NBEAL1: variants seen among roughly 807,000 people sequenced by gnomAD.
NBEAL1 encodes the protein neurobeachin-like protein 1.
A neutral mutation model predicts 351.3 loss-of-function variants in NBEAL1; 273 were observed. The ratio of observed to expected loss-of-function variants is 0.78; its 90% CI spans 0.70 to 0.86. The LOEUF (loss-of-function observed/expected upper bound fraction) is 0.86, where lower values mean the gene tolerates loss of function less well. Among genes scored for constraint, NBEAL1 ranks in the 40% least tolerant of loss-of-function variants. The pLI, the probability that NBEAL1 is intolerant of heterozygous loss-of-function variation, is 0.00. For missense variants in NBEAL1, 2,961 were observed against 3,201.3 expected (o/e 0.92, Z 1.81); for synonymous variants, 1,050 against 1,086.4 (o/e 0.97, Z 0.66).
In NBEAL1 at chr2:203,189,930, G is replaced by T. The variant is rs187481595; in HGVS notation, c.6824-362G>T. ...GCAGGCAGATCACCTGAGGTCAGAA[G>T]TTCAAGACCAGCCTGGCCAACATAG... On this transcript the variant is annotated intron_variant, in intron 45 of 55. Transcript: ENST00000683969. 1.6e-4 allele frequency among the ~76,000 whole-genome samples: 25 copies of T among 151,902 alleles called. 1 individual carries two copies. The South Asian group carries it at 3.7e-3, about 23-fold the overall frequency.
chr2:203,055,101 A>G (rs1434365533), intron 4 of NBEAL1, among the ~76,000 whole-genome samples: 4 of 151,968 alleles, frequency 2.6e-5, no homozygotes, highest in Non-Finnish European at 5.9e-5. Flanking sequence ...TGGATCTGTA[A>G]TTTTTCACTT....
At chr2:203,130,176 A>G in intron 24 of NBEAL1, 142 bp from the exon 25 acceptor site, 1 of 830,008 alleles carries the variant, frequency 1.2e-6, no homozygotes, top group Non-Finnish European at 1.7e-6. Flanking sequence ...GAATTTTTTT[A>G]AAAAGACATC....
At chr2:203,168,844 A>G (rs2064223769) in intron 38 of NBEAL1, among the ~76,000 whole-genome samples, 1 of 146,260 alleles carries the variant, frequency 6.8e-6, no homozygotes, top group African/African-American at 2.5e-5. Context: ...CAGTGAGCCG[A>G]GATCACGCCA....
intron 2 of NBEAL1, among the ~76,000 whole-genome samples, chr2:203,018,954 T>A (rs961003457): frequency 1.3e-5 from 2 of 152,344 alleles, no homozygotes; most frequent in African/African-American, 4.8e-5. Context: ...TTCCCACTGT[T>A]TGGCTCAGTA....
At chr2:203,181,803 A>G (rs2043448) in intron 43 of NBEAL1, 67,382 of 152,148 alleles carry the variant, frequency 0.44, 17,135 homozygotes, top group Middle Eastern at 0.67. Context: ...CTTTCAGAAA[A>G]TGAGGTAAAT....
intron 8 of NBEAL1, among the ~76,000 whole-genome samples, chr2:203,080,253 C>CA (rs1029306847): frequency 9.3e-4 from 139 of 150,200 alleles, no homozygotes; most frequent in Non-Finnish European, 1.5e-3. Context: ...ACTAAAAATA[C>CA]AAAAAAAAAT....
intron 4 of NBEAL1, chr2:203,050,248 A>G (rs2061304071): frequency 9.4e-6 from 2 of 212,280 alleles, no homozygotes; most frequent in Non-Finnish European, 1.9e-5. Flanking sequence ...AAAGAAAAAA[A>G]GAAAAAATAA....
chr2:203,051,606 C>G lies in NBEAL1; in HGVS notation c.305+1631C>G, dbSNP rs370861544. On this transcript the variant is annotated intron_variant, in intron 4 of 55. Transcript: ENST00000683969. Reference sequence around the variant, plus strand: ...CAGGTAGTAAGACATAAGTTGACCTCTGATAATTTGCTATATTTTCCTGCT... The same window carrying G: ...CAGGTAGTAAGACATAAGTTGACCTGTGATAATTTGCTATATTTTCCTGCT... 4.0e-5 allele frequency among the ~76,000 whole-genome samples: 6 copies of G among 151,808 alleles called. No individual in the cohort carries two copies. The South Asian group carries it at 1.3e-3, about 32-fold the overall frequency.
chr2:203,206,558 GGC>G (rs956929843), intron 51 of NBEAL1, among the ~76,000 whole-genome samples: 3 of 150,644 alleles, frequency 2.0e-5, no homozygotes, highest in African/African-American at 7.3e-5. Context: ...TGCAATTGCA[GGC>G]GCGCGCCGCC....
rs754876622 is a variant in NBEAL1, at chr2:203,167,251, C to G, written c.5888C>G (p.Pro1963Arg). ...GGAGTAGGCTTTGATTTCAAGTGGC[C>G]TCATTCTCAAATTCGAGAGATTCAT... The part of the protein sequence containing the change: ...EDGVGFDFKW[P>R]HSQIREIHLR... The change falls in exon 38 of 56, where the codon CCT (proline) becomes CGT (arginine). Residue 1963 changes from proline (P) to arginine (R), a missense_variant. Pro to Arg is a moderately radical substitution (Grantham distance 103). Transcript: ENST00000683969. 2 of 1,611,010 alleles carry G rather than the reference C, an allele frequency of 1.2e-6. No homozygotes were observed. Among genetic ancestry groups the G allele is most frequent in the African/African-American group, 1.3e-5 (1 of 74,902 alleles).
At chr2:203,093,887 T>G (rs2062122401) in intron 10 of NBEAL1, among the ~76,000 whole-genome samples, 1 of 151,914 alleles carries the variant, frequency 6.6e-6, no homozygotes, top group Admixed American at 6.6e-5. Flanking sequence ...AACCAAGCTT[T>G]GGGACCTGGG....
In NBEAL1 at chr2:203,057,468, T is replaced by C; in HGVS notation, c.515+15T>C. The C allele has an allele frequency of 6.5e-7, 1 of 1,537,440 alleles. No individual in the cohort carries two copies. Among genetic ancestry groups the C allele is most frequent in the Non-Finnish European group, 8.8e-7 (1 of 1,138,506 alleles). On this transcript the variant is annotated intron_variant, in intron 6 of 55. Transcript: ENST00000683969. ...AGAATTTCAGGGTATGTCTTATAAA[T>C]AATAACGTTCATTTAAAACCTGAAT...
Position 203,151,466 on chromosome 2 carries a change from A to G in NBEAL1, c.5464A>G (p.Lys1822Glu), listed in dbSNP as rs2063649925. Residue 1822 changes from lysine (K) to glutamate (E), a missense_variant and splice_region_variant, in exon 35 of 56, where the codon AAA becomes GAA. Coordinates refer to ENST00000683969, the MANE Select transcript of NBEAL1 (RefSeq NM_001378026.1). ...TTATTTGCTTATGAATATTCTTAGG[A>G]AACAGAATCCAATTCACTGGAAGCT... ...TCERGPWAKRKQNPIHWKLAN... is the reference protein window; with the variant it reads ...TCERGPWAKREQNPIHWKLAN... 2 of 1,584,830 alleles carry G rather than the reference A, an allele frequency of 1.3e-6. No homozygotes were observed. Among genetic ancestry groups the G allele is most frequent in the Admixed American group, 1.9e-5 (1 of 53,878 alleles).
At chr2:203,198,301 G>A (rs1030258385) in intron 48 of NBEAL1, among the ~76,000 whole-genome samples, 3 of 151,878 alleles carry the variant, frequency 2.0e-5, no homozygotes, top group African/African-American at 7.2e-5. Flanking sequence ...AAAGTTACCA[G>A]AATTTCGTTT....
chr2:203,124,369 T>C lies in NBEAL1; in HGVS notation c.2683-983T>C, dbSNP rs190542652. Among the ~76,000 whole-genome samples the C allele has an allele frequency of 1.7e-4, 26 of 152,136 alleles. No individual in the cohort carries two copies. In the East Asian group the frequency reaches 4.6e-3, roughly 27 times the overall value. On this transcript the variant is annotated intron_variant, in intron 19 of 55. Transcript: ENST00000683969. ...GAAAAACCCAACAAAGTAGCAGATATGTAGGATGAACAAGTCCAGAGATCT... is the reference window on the plus strand; with the variant it reads ...GAAAAACCCAACAAAGTAGCAGATACGTAGGATGAACAAGTCCAGAGATCT...
chr2:203,193,075 G>A (rs1419410795), intron 46 of NBEAL1, among the ~76,000 whole-genome samples: 6 of 146,958 alleles, frequency 4.1e-5, no homozygotes, highest in Admixed American at 2.1e-4. Context: ...GGGTTCAAGC[G>A]ATTCTCCTAC....
intron 35 of NBEAL1, among the ~76,000 whole-genome samples, chr2:203,156,215 G>A (rs956939007): frequency 6.6e-6 from 1 of 152,016 alleles, no homozygotes; most frequent in African/African-American, 2.4e-5. Flanking sequence ...ACATATAATA[G>A]CTCTTTAGGT....
intron 53 of NBEAL1, among the ~76,000 whole-genome samples, chr2:203,209,546 A>G (rs1308981178): frequency 2.3e-4 from 35 of 152,162 alleles, no homozygotes; most frequent in Non-Finnish European, 5.9e-5. Context: ...CTTGTGTAAT[A>G]TATGATTTCA....
In NBEAL1 at chr2:203,062,894, C is replaced by A. The variant is rs985319545; in HGVS notation, c.515+5441C>A. Among the ~76,000 whole-genome samples the A allele has an allele frequency of 6.6e-6, 1 of 152,078 alleles. No homozygotes were observed. Among genetic ancestry groups the A allele is most frequent in the Non-Finnish European group, 1.5e-5 (1 of 68,016 alleles). On this transcript the variant is annotated intron_variant, in intron 6 of 55. Transcript: ENST00000683969. The surrounding 1 kb of genome is among the most constrained non-coding windows in gnomAD (Gnocchi z 4.2). ...AGGGATCTACAGCAATAATTTACAC[C>A]TTATTTATTAATCTGATTCTGAAAT...
Sources: gnomAD v4.1 joint callset for allele counts (sites outside exome capture counted in the v4.1 genomes callset) on GRCh38, gnomAD v4.1.1 for gene constraint, Gnocchi (gnomAD v3.1) non-coding constraint, MANE v1.5 for transcripts, NCBI Gene and HGNC (gene_info 2026-07-23, HGNC 2026-07-21) for gene names.